The following RBFOX1 variants were observed in gnomAD, a reference collection of about 807,000 sequenced individuals.
RBFOX1 encodes RNA binding protein fox-1 homolog 1.
A neutral mutation model predicts 57.7 loss-of-function variants in RBFOX1; 8 were observed. The observed-to-expected ratio is 0.14, with a 90% CI of 0.08 to 0.25. RBFOX1 has a LOEUF of 0.25. Among genes scored for constraint, RBFOX1 ranks in the 10% least tolerant of loss-of-function variants. The probability of loss-of-function intolerance (pLI) is 1.00; values close to 1 mark genes in which losing one functional copy is unlikely to be tolerated. For synonymous variants in RBFOX1, 326 were observed against 222.4 expected (o/e 1.47, Z -4.15); for missense variants, 611 against 548.5 (o/e 1.11, Z -1.14).
chr16:6,336,456 T>C (rs1423990416), intron 2 of RBFOX1, among the ~76,000 whole-genome samples: 5 of 151,934 alleles, frequency 3.3e-5, no homozygotes, highest in Non-Finnish European at 7.4e-5. Flanking sequence ...CAAGACCCAC[T>C]GGTAAGTAAA....
chr16:5,938,223 T>A (rs777517529), intron 4 of RBFOX1, among the ~76,000 whole-genome samples: 43 of 152,204 alleles, frequency 2.8e-4, no homozygotes, highest in Non-Finnish European at 5.0e-4. Context: ...GGGAAGTATA[T>A]AGCTTTCAGG....
chr16:6,963,687 A>ATTTATTTAT (rs2083477332), intron 3 of RBFOX1, among the ~76,000 whole-genome samples: 1 of 151,920 alleles, frequency 6.6e-6, no homozygotes, highest in Non-Finnish European at 1.5e-5. Flanking sequence ...TAGAGGATTT[A>ATTTATTTAT]TTTATTTATT....
chr16:6,929,472 T>C (rs1193378970), intron 3 of RBFOX1, among the ~76,000 whole-genome samples: 3 of 152,292 alleles, frequency 2.0e-5, no homozygotes, highest in Non-Finnish European at 2.9e-5. Flanking sequence ...TTCTGTATTC[T>C]AAGCAGTTTT....
At chr16:6,140,415 C>T (rs1002476652) in intron 1 of RBFOX1, among the ~76,000 whole-genome samples, 5 of 151,988 alleles carry the variant, frequency 3.3e-5, no homozygotes, top group Non-Finnish European at 7.4e-5. Flanking sequence ...AGGCTAGCCT[C>T]GAATTCCTGG....
intron 1 of RBFOX1, among the ~76,000 whole-genome samples, chr16:6,238,690 T>C (rs964857974): frequency 6.6e-6 from 1 of 152,238 alleles, no homozygotes; most frequent in Non-Finnish European, 1.5e-5. Flanking sequence ...GCTTTTTTTA[T>C]TCTCTGGTTT....
intron 3 of RBFOX1, among the ~76,000 whole-genome samples, chr16:6,746,247 TA>T (rs1391882452): frequency 2.0e-5 from 3 of 151,992 alleles, no homozygotes; most frequent in African/African-American, 7.3e-5. Context: ...TTTTTTTCAA[TA>T]AAAACTCCCA....
At chr16:7,342,250 A>C (rs916545462) in intron 4 of RBFOX1, among the ~76,000 whole-genome samples, 2 of 152,156 alleles carry the variant, frequency 1.3e-5, no homozygotes, top group African/African-American at 4.8e-5. Flanking sequence ...CTCTACTCAC[A>C]AGGCCTTTGC....
intron 3 of RBFOX1, among the ~76,000 whole-genome samples, chr16:6,811,161 G>A (rs916920352): frequency 1.3e-5 from 2 of 152,142 alleles, no homozygotes; most frequent in Admixed American, 1.3e-4. Flanking sequence ...TCTGAAGGAA[G>A]AATTAAGTGA....
chr16:7,379,544 G>T (rs1489979088), intron 4 of RBFOX1, among the ~76,000 whole-genome samples: 1 of 152,158 alleles, frequency 6.6e-6, no homozygotes, highest in Non-Finnish European at 1.5e-5. Context: ...ACTTTCTGCT[G>T]TCCAGAAATG....
At chr16:6,974,824 A>G (rs2086448263) in intron 3 of RBFOX1, among the ~76,000 whole-genome samples, 1 of 152,090 alleles carries the variant, frequency 6.6e-6, no homozygotes, top group African/African-American at 2.4e-5. Flanking sequence ...CTTGGCTTGT[A>G]GTCCTTTTAC....
chr16:6,042,099 C>T (rs1351651569), intron 1 of RBFOX1, among the ~76,000 whole-genome samples: 3 of 144,086 alleles, frequency 2.1e-5, no homozygotes, highest in East Asian at 4.0e-4. Flanking sequence ...GGACTCTCTC[C>T]TACTTTTTTT....
intron 3 of RBFOX1, among the ~76,000 whole-genome samples, chr16:6,990,615 A>G (rs963839490): frequency 2.3e-4 from 35 of 152,152 alleles, no homozygotes; most frequent in Non-Finnish European, 5.9e-5. Context: ...GAAGTAGCAT[A>G]TATTACATTG....
chr16:6,854,690 G>A (rs982129058), intron 3 of RBFOX1, among the ~76,000 whole-genome samples: 1 of 146,432 alleles, frequency 6.8e-6, no homozygotes, highest in Non-Finnish European at 1.5e-5. Context: ...CGCCTCCTGG[G>A]TTCAAGTCGT....
At chr16:7,356,708 T>C (rs1450878204) in intron 4 of RBFOX1, among the ~76,000 whole-genome samples, 1 of 152,242 alleles carries the variant, frequency 6.6e-6, no homozygotes, top group Non-Finnish European at 1.5e-5. Context: ...ACTTTGCTTT[T>C]TAAATAAGAC....
intron 4 of RBFOX1, among the ~76,000 whole-genome samples, chr16:5,916,147 C>A (rs1210138076): frequency 1.3e-5 from 2 of 152,092 alleles, no homozygotes; most frequent in African/African-American, 4.8e-5. Context: ...AACAGGAGAC[C>A]AAGCCTGAAA....
intron 2 of RBFOX1, among the ~76,000 whole-genome samples, chr16:6,376,322 G>C (rs1325000472): frequency 7.3e-6 from 1 of 137,116 alleles, no homozygotes; most frequent in Non-Finnish European, 1.6e-5. Flanking sequence ...GTTGTTGTTT[G>C]CAAGGGCCCC....
chr16:6,217,105 G>T (rs539333851), intron 1 of RBFOX1, among the ~76,000 whole-genome samples: 2 of 150,504 alleles, frequency 1.3e-5, no homozygotes, highest in Admixed American at 1.3e-4. Context: ...GGCTAAAAAC[G>T]TCTCTTTGCT....
intron 2 of RBFOX1, among the ~76,000 whole-genome samples, chr16:6,429,015 T>G (rs781744917): frequency 1.3e-5 from 2 of 152,222 alleles, no homozygotes; most frequent in South Asian, 4.1e-4. Context: ...TTCGGTGACA[T>G]GCACCTGCTC....
At chr16:7,035,429 A>C (rs943620535) in intron 3 of RBFOX1, among the ~76,000 whole-genome samples, 1 of 152,230 alleles carries the variant, frequency 6.6e-6, no homozygotes, top group Non-Finnish European at 1.5e-5. Flanking sequence ...AATGCACTGC[A>C]CACAAAAAGA....
Sources: allele counts gnomAD v4.1 joint callset (sites outside exome capture counted in the v4.1 genomes callset), GRCh38; gene constraint gnomAD v4.1.1; transcripts MANE v1.5; gene names NCBI Gene and HGNC (gene_info 2026-07-23, HGNC 2026-07-21).